The following IPO11 variants were observed in gnomAD, a reference collection of about 807,000 sequenced individuals.
The protein encoded by IPO11 is importin 11.
Under a neutral mutation model 143.2 loss-of-function variants are expected in IPO11, and 66 were observed. The observed-to-expected ratio is 0.46, with a 90% CI of 0.38 to 0.57. The LOEUF (loss-of-function observed/expected upper bound fraction) is 0.57. Ranked by LOEUF, IPO11 falls within the 20% of genes least tolerant of loss-of-function variation. The probability of loss-of-function intolerance (pLI) is 0.00; values close to 1 mark genes in which losing one functional copy is unlikely to be tolerated. For missense variants in IPO11, 1,026 were observed against 1,141.0 expected, an observed-to-expected ratio of 0.90 and a Z score of 1.45; for synonymous variants, 385 against 377.8, an observed-to-expected ratio of 1.02 and a Z score of -0.22.
chr5:62,524,130 A>G (rs1239163441), intron 20 of IPO11, among the ~76,000 whole-genome samples: 2 of 152,100 alleles, frequency 1.3e-5, no homozygotes, highest in Non-Finnish European at 1.5e-5. Flanking sequence ...AATGTCTTGT[A>G]GTTACTGTGG....
At chr5:62,509,773 A>G (rs539581015) in intron 19 of IPO11, among the ~76,000 whole-genome samples, 1 of 152,312 alleles carries the variant, frequency 6.6e-6, no homozygotes, top group African/African-American at 2.4e-5. Context: ...GTAATACCAC[A>G]TGTTCTTTAT....
intron 21 of IPO11, among the ~76,000 whole-genome samples, chr5:62,528,935 C>A (rs1374009): frequency 0.1 from 15,190 of 152,114 alleles, 938 homozygotes; most frequent in East Asian, 0.26. Context: ...TTTTTATTTT[C>A]CTCTTGATCC....
intron 29 of IPO11, among the ~76,000 whole-genome samples, chr5:62,621,012 G>C (rs1358979472): frequency 6.6e-6 from 1 of 152,198 alleles, no homozygotes; most frequent in Non-Finnish European, 1.5e-5. Context: ...GAATGAGTAC[G>C]AGTAGTTTAA....
intron 8 of IPO11, among the ~76,000 whole-genome samples, chr5:62,474,729 A>G (rs2112206898): frequency 6.6e-6 from 1 of 152,328 alleles, no homozygotes; most frequent in East Asian, 1.9e-4. Flanking sequence ...TGCCTCATAT[A>G]CAGAAGTCCC....
At chr5:62,588,799 G>A (rs183971337) in intron 27 of IPO11, among the ~76,000 whole-genome samples, 4 of 152,246 alleles carry the variant, frequency 2.6e-5, no homozygotes, top group African/African-American at 7.2e-5. Flanking sequence ...TGTACAGATC[G>A]GGGCTGTTAC....
chr5:62,578,872 A>G (rs1373856354), intron 27 of IPO11: 4 of 304,062 alleles, frequency 1.3e-5, no homozygotes, highest in Non-Finnish European at 2.6e-5. Context: ...GTCGTTCTTC[A>G]GATTTAAAAA....
intron 5 of IPO11, among the ~76,000 whole-genome samples, chr5:62,458,653 T>G (rs1178842715): frequency 6.6e-6 from 1 of 152,186 alleles, no homozygotes; most frequent in African/African-American, 2.4e-5. Flanking sequence ...TAAAGGGTCA[T>G]TTGTGCTGTG....
intron 28 of IPO11, among the ~76,000 whole-genome samples, chr5:62,598,430 TTCTCTCTCTCTCTCTCTCTCTC>T (rs1323743350): frequency 2.8e-3 from 20 of 7,164 alleles, no homozygotes; most frequent in Non-Finnish European, 3.9e-3. Flanking sequence ...CTTTCTTTCT[TTCTCTCTCTCTCTCTCTCTCTC>T]TCTCTCTCTC....
At position 62,444,024 on chromosome 5, in the gene IPO11, T is replaced by C. The variant is rs1320245319; in HGVS notation, c.239+941T>C. ...ATATAAAACATGTCCTTGAATAATA[T>C]TGGAAACAACAAGAATATTTTCAGG... On this transcript the variant is annotated intron_variant, in intron 3 of 29. Coordinates refer to ENST00000325324, the MANE Select transcript of IPO11 (RefSeq NM_016338.5). Among the ~76,000 whole-genome samples, 4 of 152,204 alleles carry C rather than the reference T, an allele frequency of 2.6e-5. No individual in the cohort carries two copies. In the South Asian group the frequency reaches 6.2e-4, roughly 24 times the overall value.
intron 27 of IPO11, among the ~76,000 whole-genome samples, chr5:62,584,959 T>C (rs1294333851): frequency 3.3e-5 from 5 of 152,166 alleles, no homozygotes; most frequent in African/African-American, 7.2e-5. Context: ...CCAAGATACC[T>C]TGTGATAGAG....
chr5:62,473,752 G>GT (rs1745865128), intron 7 of IPO11, among the ~76,000 whole-genome samples: 2 of 151,918 alleles, frequency 1.3e-5, no homozygotes, highest in South Asian at 4.2e-4. Flanking sequence ...AAATTTTTAA[G>GT]TTTTTTTCAC....
rs773309583 is a variant in IPO11, at chr5:62,627,342, C to A, written c.*24C>A. 2.4e-5 allele frequency: 38 copies of A among 1,592,436 alleles called. No individual in the cohort carries two copies. The highest frequency in any genetic ancestry group is 1.9e-4 in the South Asian group (17 of 88,378). The stretch of plus-strand genomic sequence containing the variant: ...AAGAGCACATGACATGTGGCTGCCT[C>A]CCCTTTCAGAAACAAGCTGAGTAAC... On this transcript the variant is annotated 3_prime_UTR_variant, in exon 30 of 30. Coordinates refer to ENST00000325324, the MANE Select transcript of IPO11 (RefSeq NM_016338.5).
At chr5:62,602,681 A>C (rs1449333963) in intron 29 of IPO11, among the ~76,000 whole-genome samples, 1 of 152,218 alleles carries the variant, frequency 6.6e-6, no homozygotes, top group East Asian at 1.9e-4. Context: ...CCTAATCCTT[A>C]GCTTATAGCT....
At chr5:62,453,066 T>C (rs551806949) in intron 5 of IPO11, among the ~76,000 whole-genome samples, 1 of 151,076 alleles carries the variant, frequency 6.6e-6, no homozygotes, top group East Asian at 1.9e-4. Flanking sequence ...ATGATAGGGC[T>C]CAAGAAACTA....
At chr5:62,545,993 G>C (rs1225869120) in intron 24 of IPO11, among the ~76,000 whole-genome samples, 1 of 152,204 alleles carries the variant, frequency 6.6e-6, no homozygotes, top group Admixed American at 6.5e-5. Context: ...CTTTTACACT[G>C]TTGGTGGGAC....
At chr5:62,443,401 G>A in intron 3 of IPO11, 1 of 171,708 alleles carries the variant, frequency 5.8e-6, no homozygotes, top group Admixed American at 7.1e-5. Context: ...GTGTGTGTGT[G>A]TGTGTGTGTG....
chr5:62,508,396 C>T (rs889358796), intron 19 of IPO11, among the ~76,000 whole-genome samples: 7 of 151,724 alleles, frequency 4.6e-5, no homozygotes, highest in African/African-American at 1.7e-4. Flanking sequence ...GATCCACCCG[C>T]CTTGGCCTTC....
intron 12 of IPO11, 84 bp downstream of exon 12, chr5:62,485,546 A>T: frequency 9.1e-7 from 1 of 1,096,124 alleles, no homozygotes; most frequent in Middle Eastern, 2.7e-4. Context: ...TCTATTAAAG[A>T]TTCCAGACAT....
At chr5:62,500,276 CTT>C (rs1356900001) in intron 16 of IPO11, among the ~76,000 whole-genome samples, 2 of 152,070 alleles carry the variant, frequency 1.3e-5, no homozygotes, top group African/African-American at 2.4e-5. Context: ...GAGTGAGACT[CTT>C]TCAAAAAAAG....
Sources: gnomAD v4.1 joint callset for allele counts (sites outside exome capture counted in the v4.1 genomes callset) on GRCh38, gnomAD v4.1.1 for gene constraint, MANE v1.5 for transcripts, NCBI Gene and HGNC (gene_info 2026-07-23, HGNC 2026-07-21) for gene names.